GLS: variants seen among roughly 807,000 people sequenced by gnomAD.
The protein encoded by GLS is glutaminase kidney isoform, mitochondrial.
GLS carries 36 observed loss-of-function variants against 86.7 expected under a neutral mutation model. The observed-to-expected ratio is 0.42, with a 90% CI of 0.32 to 0.55. The LOEUF (loss-of-function observed/expected upper bound fraction) is 0.55. GLS is among the 20% of genes least tolerant of loss of function. The pLI is 0.17. For missense variants in GLS, 528 were observed against 833.4 expected, an observed-to-expected ratio of 0.63 and a Z score of 4.51; for synonymous variants, 317 against 305.9, an observed-to-expected ratio of 1.04 and a Z score of -0.38.
Position 190,895,889 on chromosome 2 carries a change from T to C in GLS, c.605+164T>C. 1 of 484,476 alleles carries C rather than the reference T, an allele frequency of 2.1e-6. No individual in the cohort carries two copies. Among genetic ancestry groups the C allele is most frequent in the Non-Finnish European group, 3.8e-6 (1 of 264,536 alleles). The allele number at this position is 484,476 out of a possible 1,614,324, so 30.0% of individuals were successfully genotyped here. On this transcript the variant is annotated intron_variant, in intron 3 of 17. Coordinates refer to ENST00000320717, the MANE Select transcript of GLS (RefSeq NM_014905.5). This position sits in a 1 kb window ranked among gnomAD's most constrained non-coding sequence, Gnocchi z 4.2. ...AGAACTTGGTACATATTAGGTTCTA[T>C]AATACACCGGGCTAAGAGTATTCTT...
chr2:190,932,808 G>T, intron 14 of GLS: 1 of 1,605,670 alleles, frequency 6.2e-7, no homozygotes, highest in Non-Finnish European at 8.5e-7. Context: ...AGTCAAATGA[G>T]GACATCTCTA....
In GLS at chr2:190,905,231, C is replaced by A; in HGVS notation, c.979+64C>A. On this transcript the variant is annotated intron_variant, in intron 6 of 17. Coordinates refer to ENST00000320717, the MANE Select transcript of GLS (RefSeq NM_014905.5). The surrounding 1 kb of genome is among the most constrained non-coding windows in gnomAD (Gnocchi z 4.6). ...CTCATTTTCCTATGTAAATCTAAGT[C>A]GTTTTAAACATTTTTTGATTAAAAT... is the stretch of plus-strand genomic sequence containing the variant. 1 of 969,160 alleles carries A rather than the reference C, an allele frequency of 1.0e-6. No homozygotes were observed. The highest frequency in any genetic ancestry group is 1.6e-6 in the Non-Finnish European group (1 of 644,940). 60.0% of individuals were successfully genotyped at this position (969,160 alleles called of 1,614,324 possible).
At chr2:190,902,618 A>G (rs948622398) in intron 5 of GLS, among the ~76,000 whole-genome samples, 1 of 152,204 alleles carries the variant, frequency 6.6e-6, no homozygotes, top group Non-Finnish European at 1.5e-5. Flanking sequence ...TTTAGAAAGA[A>G]TGATTTGATT....
intron 3 of GLS, among the ~76,000 whole-genome samples, chr2:190,899,313 A>G (rs1388304157): frequency 1.3e-5 from 2 of 152,152 alleles, no homozygotes; most frequent in South Asian, 2.1e-4. Context: ...GGAAATTAGG[A>G]CTGTAATTTT....
Position 190,962,094 on chromosome 2 carries a change from TACCACTTCTGGCAAGTGATTA to T in GLS, c.1854-721_1854-701del, listed in dbSNP as rs1318958984. Among the ~76,000 whole-genome samples the T allele has an allele frequency of 6.6e-6, 1 of 152,148 alleles. No individual in the cohort carries two copies. The highest frequency in any genetic ancestry group is 1.9e-4 in the East Asian group (1 of 5,188). ...GTTCTGTCTCCTCTTGCAAAAGACTTACCACTTCTGGCAAGTGATTAACCACTTCTGGCAACTCTTCATTTC... is the reference window on the plus strand; with the variant it reads ...GTTCTGTCTCCTCTTGCAAAAGACTTACCACTTCTGGCAACTCTTCATTTC... On this transcript the variant is annotated intron_variant, in intron 17 of 17. Coordinates refer to ENST00000320717, the MANE Select transcript of GLS (RefSeq NM_014905.5). The surrounding 1 kb of genome is among the most constrained non-coding windows in gnomAD (Gnocchi z 4.2).
Position 190,950,522 on chromosome 2 carries a change from C to G in GLS, c.1651-3043C>G, listed in dbSNP as rs374915135. Among the ~76,000 whole-genome samples the G allele has an allele frequency of 6.4e-4, 98 of 152,244 alleles. No homozygotes were observed. In the South Asian group the frequency reaches 0.018, roughly 27 times the overall value. On this transcript the variant is annotated intron_variant, in intron 14 of 17. Coordinates refer to ENST00000320717, the MANE Select transcript of GLS (RefSeq NM_014905.5). ...GAAAGAATAGAATCAAGGACTACCC[C>G]CCATGGTCTGTATGGTGAATTTGTC... is the stretch of plus-strand genomic sequence containing the variant.
At chr2:190,889,359 GGTT>G (rs1468632520) in intron 1 of GLS, among the ~76,000 whole-genome samples, 4 of 152,142 alleles carry the variant, frequency 2.6e-5, no homozygotes, top group African/African-American at 7.2e-5. Flanking sequence ...ACTCCCTATA[GGTT>G]GTTGTTATTC....
chr2:190,897,722 C>T lies in GLS; in HGVS notation c.605+1997C>T, dbSNP rs1213677100. 6.6e-6 allele frequency among the ~76,000 whole-genome samples: 1 copy of T among 152,198 alleles called. No homozygotes were observed. Among genetic ancestry groups the T allele is most frequent in the Non-Finnish European group, 1.5e-5 (1 of 68,034 alleles). ...CCTAGTTAGTGTTGCCAGAAATAAA[C>T]TTCTCCCTTTCATGCAGCTAGGGAG... On this transcript the variant is annotated intron_variant, in intron 3 of 17. Coordinates refer to ENST00000320717, the MANE Select transcript of GLS (RefSeq NM_014905.5). This position sits in a 1 kb window ranked among gnomAD's most constrained non-coding sequence, Gnocchi z 4.3.
chr2:190,950,619 C>T (rs1005685051), intron 14 of GLS, among the ~76,000 whole-genome samples: 1 of 152,190 alleles, frequency 6.6e-6, no homozygotes, highest in Non-Finnish European at 1.5e-5. Context: ...GGTAAAGAAG[C>T]TCCCTTCCTC....
At chr2:190,944,588 T>G (rs966301077) in intron 14 of GLS, among the ~76,000 whole-genome samples, 26 of 152,204 alleles carry the variant, frequency 1.7e-4, no homozygotes, top group Non-Finnish European at 3.5e-4. Flanking sequence ...AGTGCTGTTT[T>G]TCAGACCACA....
chr2:190,909,371 G>A (rs937464231), intron 6 of GLS, among the ~76,000 whole-genome samples: 1 of 152,110 alleles, frequency 6.6e-6, no homozygotes, highest in Non-Finnish European at 1.5e-5. Flanking sequence ...TATAATACTT[G>A]TTATTAATTA....
chr2:190,961,164 GA>G (rs1249721915), intron 17 of GLS, among the ~76,000 whole-genome samples: 4 of 152,144 alleles, frequency 2.6e-5, no homozygotes, highest in Non-Finnish European at 5.9e-5. Context: ...CTATTTCATA[GA>G]ATCAGTGTCA....
chr2:190,896,798 A>G (rs1046663759), intron 3 of GLS, among the ~76,000 whole-genome samples: 6 of 152,216 alleles, frequency 3.9e-5, no homozygotes, highest in African/African-American at 1.2e-4. Context: ...TTTGACTTCC[A>G]GAACCTGCTT....
rs1337859516 is a variant in GLS at position 190,953,948 on chromosome 2, ATATGTGTGTG to A, written c.1712+324_1712+333del. On this transcript the variant is annotated intron_variant, in intron 15 of 17. Coordinates refer to ENST00000320717, the MANE Select transcript of GLS (RefSeq NM_014905.5). This position sits in a 1 kb window ranked among gnomAD's most constrained non-coding sequence, Gnocchi z 4.0. Reference sequence around the variant, plus strand: ...GTCTACCCTCCATTCCCAATCTTTGATATGTGTGTGTGTGTGTGTGTGTGTGTGTGTGTGT... The same window carrying A: ...GTCTACCCTCCATTCCCAATCTTTGATGTGTGTGTGTGTGTGTGTGTGTGT... Among the ~76,000 whole-genome samples, 4 of 108,846 alleles carry A rather than the reference ATATGTGTGTG, an allele frequency of 3.7e-5. No homozygotes were observed. The highest frequency in any genetic ancestry group is 7.2e-4 in the South Asian group (2 of 2,784). 71.4% of individuals were successfully genotyped at this position (108,846 alleles called of 152,430 possible).
intron 1 of GLS, among the ~76,000 whole-genome samples, chr2:190,885,486 G>T (rs1688348870): frequency 6.6e-6 from 1 of 151,890 alleles, no homozygotes. Flanking sequence ...CACCGCACCT[G>T]GTCTGAACAT....
chr2:190,904,441 A>G (rs1370361237), intron 5 of GLS, among the ~76,000 whole-genome samples: 1 of 152,146 alleles, frequency 6.6e-6, no homozygotes, highest in Non-Finnish European at 1.5e-5. Flanking sequence ...TAAAACCATT[A>G]TTCTGTTACG....
At chr2:190,904,935 T>C (rs1689080896) in intron 5 of GLS, 69 bp from the exon 6 acceptor site, 1 of 883,402 alleles carries the variant, frequency 1.1e-6, no homozygotes, top group Non-Finnish European at 1.8e-6. Context: ...GTAAAAAGAA[T>C]AATTCCAACT....
intron 14 of GLS, among the ~76,000 whole-genome samples, chr2:190,948,159 A>C (rs1256485533): frequency 6.6e-6 from 1 of 152,174 alleles, no homozygotes; most frequent in Non-Finnish European, 1.5e-5. Context: ...AATTACACTC[A>C]CTTTGTGTTC....
chr2:190,955,769 T>C lies in GLS; in HGVS notation c.1853+951T>C, dbSNP rs1690846418. On this transcript the variant is annotated intron_variant, in intron 17 of 17. Transcript: ENST00000320717. The surrounding 1 kb of genome is among the most constrained non-coding windows in gnomAD (Gnocchi z 5.6). ...AACAGTGTAAAAGCGTTCCTATTTCTCCACATCCTCTCCAGCATCTATTGT... is the reference window on the plus strand; with the variant it reads ...AACAGTGTAAAAGCGTTCCTATTTCCCCACATCCTCTCCAGCATCTATTGT... 6.6e-6 allele frequency among the ~76,000 whole-genome samples: 1 copy of C among 152,266 alleles called. No homozygotes were observed. The highest frequency in any genetic ancestry group is 2.1e-4 in the South Asian group (1 of 4,838).
Sources: gnomAD v4.1 joint callset for allele counts (sites outside exome capture counted in the v4.1 genomes callset) on GRCh38, gnomAD v4.1.1 for gene constraint, Gnocchi (gnomAD v3.1) non-coding constraint, MANE v1.5 for transcripts, NCBI Gene and HGNC (gene_info 2026-07-23, HGNC 2026-07-21) for gene names.